Variants in TXNDC12 observed in about 807,000 individuals in gnomAD.
TXNDC12 encodes thioredoxin domain-containing protein 12.
A neutral mutation model predicts 24.2 loss-of-function variants in TXNDC12; 22 were observed. That is an observed-to-expected ratio of 0.91 (90% CI 0.65 to 1.30). The LOEUF (loss-of-function observed/expected upper bound fraction) is 1.30, where lower values mean the gene tolerates loss of function less well. Ranked by LOEUF, TXNDC12 falls within the 50% of genes most tolerant of loss-of-function variation. The pLI, the probability that TXNDC12 is intolerant of heterozygous loss-of-function variation, is 0.00. For synonymous variants in TXNDC12, 58 were observed against 73.4 expected (o/e 0.79, Z 1.07); for missense variants, 184 against 205.8 (o/e 0.89, Z 0.65).
intron 1 of TXNDC12, among the ~76,000 whole-genome samples, chr1:52,049,418 C>T (rs372284633): frequency 2.0e-5 from 3 of 152,046 alleles, no homozygotes; most frequent in African/African-American, 7.2e-5. Flanking sequence ...AGTGAAACCC[C>T]GTCTCTACTC....
intron 2 of TXNDC12, among the ~76,000 whole-genome samples, chr1:52,035,551 A>G (rs1685864960): frequency 6.6e-6 from 1 of 152,088 alleles, no homozygotes; most frequent in Non-Finnish European, 1.5e-5. Flanking sequence ...TACTAAAAAT[A>G]CTTTTTAAAA....
chr1:52,036,349 G>C (rs370884764), intron 2 of TXNDC12, among the ~76,000 whole-genome samples: 3 of 152,004 alleles, frequency 2.0e-5, no homozygotes, highest in African/African-American at 7.2e-5. Flanking sequence ...AGAAGAAAAA[G>C]AAAATCATAA....
At chr1:52,054,901 G>A in intron 1 of TXNDC12, 99 bp downstream of exon 1, 4 of 898,142 alleles carry the variant, frequency 4.5e-6, no homozygotes, top group Middle Eastern at 2.2e-4. Flanking sequence ...AGTGGCCTAA[G>A]AGTTAGAATG....
chr1:52,038,007 A>T (rs1685916863), intron 2 of TXNDC12, among the ~76,000 whole-genome samples: 2 of 151,884 alleles, frequency 1.3e-5, no homozygotes, highest in South Asian at 4.2e-4. Flanking sequence ...GGCTAACTGC[A>T]GCCTCAATCT....
chr1:52,026,328 G>T (rs547542957), intron 4 of TXNDC12, among the ~76,000 whole-genome samples: 5 of 152,146 alleles, frequency 3.3e-5, no homozygotes, highest in African/African-American at 1.2e-4. Context: ...TGTAAAATGA[G>T]GATAGTACCA....
chr1:52,024,884 T>C (rs1414540604), intron 4 of TXNDC12, among the ~76,000 whole-genome samples: 1 of 152,258 alleles, frequency 6.6e-6, no homozygotes, highest in East Asian at 1.9e-4. Context: ...TCCACATGGT[T>C]GACTCCCTTT....
chr1:52,036,288 G>A (rs1256798382), intron 2 of TXNDC12, among the ~76,000 whole-genome samples: 1 of 151,970 alleles, frequency 6.6e-6, no homozygotes, highest in Non-Finnish European at 1.5e-5. Context: ...GTAAACTAGA[G>A]AAAAGAAAAT....
At chr1:52,032,860 G>C (rs747088000) in intron 2 of TXNDC12, 29 of 1,614,110 alleles carry the variant, frequency 1.8e-5, no homozygotes, top group Non-Finnish European at 2.1e-5. Flanking sequence ...TGTGGTACCA[G>C]GAAGCGTGAG....
At chr1:52,046,412 T>C (rs982798670) in intron 1 of TXNDC12, among the ~76,000 whole-genome samples, 2 of 152,064 alleles carry the variant, frequency 1.3e-5, no homozygotes, top group Admixed American at 6.6e-5. Flanking sequence ...AGGATTTTGC[T>C]ATGGATATGG....
intron 6 of TXNDC12, among the ~76,000 whole-genome samples, chr1:52,021,581 A>AG (rs1685598356): frequency 6.8e-6 from 1 of 146,948 alleles, no homozygotes; most frequent in Admixed American, 6.8e-5. Context: ...AAAAAAAAAA[A>AG]GAGAGAGAGA....
intron 1 of TXNDC12, among the ~76,000 whole-genome samples, chr1:52,045,223 A>C (rs2124387527): frequency 6.6e-6 from 1 of 152,364 alleles, no homozygotes; most frequent in East Asian, 1.9e-4. Flanking sequence ...AGATAGTAAC[A>C]GATCAGTGGT....
chr1:52,024,150 A>G (rs1483084431), intron 5 of TXNDC12, among the ~76,000 whole-genome samples: 1 of 151,972 alleles, frequency 6.6e-6, no homozygotes, highest in Non-Finnish European at 1.5e-5. Context: ...GCGTGCCACC[A>G]CACCCGGCTA....
intron 1 of TXNDC12, among the ~76,000 whole-genome samples, chr1:52,047,504 G>C (rs917866022): frequency 6.6e-6 from 1 of 152,180 alleles, no homozygotes; most frequent in African/African-American, 2.4e-5. Flanking sequence ...GGAAGGCCTA[G>C]ATACAAAGAA....
At chr1:52,054,921 C>T in intron 1 of TXNDC12, 79 bp downstream of exon 1, 1 of 1,098,198 alleles carries the variant, frequency 9.1e-7, no homozygotes, top group Non-Finnish European at 1.4e-6. Context: ...GGGAGGGGAA[C>T]GGTGCTAGGG....
In TXNDC12 at chr1:52,020,298, C is replaced by T; in HGVS notation, c.*635G>A. On this transcript the variant is annotated 3_prime_UTR_variant, in exon 7 of 7. Transcript: ENST00000371626. ...AGGGAAAGCATGCTTCCACCTGGAGCCGAGTCCAAGCACACAGCCAGTCCT... is the reference window on the plus strand; with the variant it reads ...AGGGAAAGCATGCTTCCACCTGGAGTCGAGTCCAAGCACACAGCCAGTCCT... 1 of 387,590 alleles carries T rather than the reference C, an allele frequency of 2.6e-6. No individual in the cohort carries two copies. Among genetic ancestry groups the T allele is most frequent in the Non-Finnish European group, 5.1e-6 (1 of 196,360 alleles). The allele number at this position is 387,590 out of a possible 1,614,324, so 24.0% of individuals were successfully genotyped here. A position where few individuals can be genotyped will look rare whatever the true frequency, so the allele number is the denominator to read the frequency against.
intron 2 of TXNDC12, among the ~76,000 whole-genome samples, chr1:52,031,390 C>T (rs1685752360): frequency 2.0e-5 from 3 of 151,916 alleles, no homozygotes; most frequent in Admixed American, 1.3e-4. Context: ...GAACACCTGA[C>T]CTTGTGATCC....
intron 2 of TXNDC12, chr1:52,033,332 C>T: frequency 1.9e-6 from 3 of 1,613,822 alleles, no homozygotes; most frequent in African/African-American, 1.3e-5. Context: ...GCCGCCTGGG[C>T]TCTCCCGTCC....
At chr1:52,051,466 C>T in intron 1 of TXNDC12, among the ~76,000 whole-genome samples, 1 of 152,202 alleles carries the variant, frequency 6.6e-6, no homozygotes, top group East Asian at 1.9e-4. Context: ...ACCTCCGCCT[C>T]CCAGGTTCAA....
intron 4 of TXNDC12, 89 bp downstream of exon 4, chr1:52,027,186 C>G: frequency 1.0e-6 from 1 of 959,702 alleles, no homozygotes. Flanking sequence ...CTTCATACCA[C>G]TAATGAAGCT....
Sources: allele counts gnomAD v4.1 joint callset (sites outside exome capture counted in the v4.1 genomes callset), GRCh38; gene constraint gnomAD v4.1.1; transcripts MANE v1.5; gene names NCBI Gene and HGNC (gene_info 2026-07-23, HGNC 2026-07-21).